CYSLTR2: variants seen among roughly 807,000 people sequenced by gnomAD.
CYSLTR2 encodes the protein cysteinyl leukotriene receptor 2, also known as G-protein coupled receptor GPCR21.
For missense variants in CYSLTR2, 398 were observed against 411.9 expected (o/e 0.97, Z 0.29); for synonymous variants, 179 against 160.8 (o/e 1.11, Z -0.86).
intron 4 of CYSLTR2, among the ~76,000 whole-genome samples, chr13:48,704,612 A>G (rs1420660145): frequency 6.6e-6 from 1 of 151,360 alleles, no homozygotes; most frequent in Non-Finnish European, 1.5e-5. Flanking sequence ...TTGTCCTAAT[A>G]CTGCATTTGC....
chr13:48,696,576 T>A lies in CYSLTR2; in HGVS notation c.-52T>A, dbSNP rs932827059. On this transcript the variant is annotated 5_prime_UTR_variant, in exon 4 of 5. Coordinates refer to ENST00000682523, the MANE Select transcript of CYSLTR2 (RefSeq NM_001308476.3). ...AATAGGAAGAGCTCCAATCTGCAGA[T>A]CCCAGTGTGAGCAACGTGGAAGACG... 1.8e-4 allele frequency: 28 copies of A among 152,162 alleles called. No individual in the cohort carries two copies. 9.4% of individuals were successfully genotyped at this position (152,162 alleles called of 1,614,324 possible).
At chr13:48,687,076 G>A (rs900574148) in intron 1 of CYSLTR2, among the ~76,000 whole-genome samples, 17 of 151,998 alleles carry the variant, frequency 1.1e-4, no homozygotes, top group African/African-American at 4.1e-4. Flanking sequence ...CTGGAGCTGG[G>A]ACATTCTTCT....
rs904533830 is a variant in CYSLTR2, at chr13:48,710,974, T to G, written c.*3116T>G. On this transcript the variant is annotated 3_prime_UTR_variant, in exon 5 of 5. Transcript: ENST00000682523. ...GGTATAAGAGACCTAGGTTGCCATA[T>G]TCTATCACAGAAAATGCATAATAAC... 2.0e-5 allele frequency: 3 copies of G among 152,176 alleles called. No individual in the cohort carries two copies. Among genetic ancestry groups the G allele is most frequent in the African/African-American group, 7.2e-5 (3 of 41,452 alleles). The allele number at this position is 152,176 out of a possible 1,614,324, so 9.4% of individuals were successfully genotyped here.
chr13:48,697,208 C>T (rs1326891563), intron 4 of CYSLTR2, among the ~76,000 whole-genome samples: 1 of 152,186 alleles, frequency 6.6e-6, no homozygotes, highest in African/African-American at 2.4e-5. Flanking sequence ...GACAGACTGC[C>T]TCCTCAAGTG....
At chr13:48,654,848 TC>T (rs1232309720) in intron 1 of CYSLTR2, among the ~76,000 whole-genome samples, 4 of 152,192 alleles carry the variant, frequency 2.6e-5, no homozygotes, top group Admixed American at 6.5e-5. Flanking sequence ...TCCAGAAACT[TC>T]TCAGGTGGTT....
intron 1 of CYSLTR2, among the ~76,000 whole-genome samples, chr13:48,673,225 A>G (rs1163760201): frequency 6.6e-6 from 1 of 151,972 alleles, no homozygotes; most frequent in Non-Finnish European, 1.5e-5. Context: ...TCCCACTATT[A>G]TTGTGTGGGA....
rs1954602938 is a variant in CYSLTR2 at position 48,710,221 on chromosome 13, C to T, written c.*2363C>T. 1 of 152,158 alleles carries T rather than the reference C, an allele frequency of 6.6e-6. No individual in the cohort carries two copies. Among genetic ancestry groups the T allele is most frequent in the African/African-American group, 2.4e-5 (1 of 41,448 alleles). The allele number at this position is 152,158 out of a possible 1,614,324, so 9.4% of individuals were successfully genotyped here. A position where few individuals can be genotyped will look rare whatever the true frequency, so the allele number is the denominator to read the frequency against. ...TCTGAAAATATTAAATGGAAAATTC[C>T]AGAAATAATTCTTAAGTTTTAAAAC... On this transcript the variant is annotated 3_prime_UTR_variant, in exon 5 of 5. Transcript: ENST00000682523.
intron 4 of CYSLTR2, among the ~76,000 whole-genome samples, chr13:48,703,440 G>A (rs192714145): frequency 1.3e-5 from 2 of 152,254 alleles, no homozygotes; most frequent in East Asian, 3.9e-4. Context: ...GAAGTATAAT[G>A]TTATCTGTAG....
chr13:48,656,844 C>T (rs777945821), intron 1 of CYSLTR2, among the ~76,000 whole-genome samples: 1 of 152,186 alleles, frequency 6.6e-6, no homozygotes, highest in Non-Finnish European at 1.5e-5. Context: ...CTGGCTAATG[C>T]GGCAGCCAAA....
intron 4 of CYSLTR2, among the ~76,000 whole-genome samples, chr13:48,703,020 CCTGT>C (rs1276676546): frequency 1.3e-5 from 2 of 152,000 alleles, no homozygotes; most frequent in East Asian, 1.9e-4. Flanking sequence ...GAGATTTACA[CCTGT>C]CTTTCATTTT....
rs1953345018 is a variant in CYSLTR2, at chr13:48,668,980, G to A, written c.-266+14963G>A. On this transcript the variant is annotated intron_variant, in intron 1 of 4. Coordinates refer to ENST00000682523, the MANE Select transcript of CYSLTR2 (RefSeq NM_001308476.3). ...CTGCGTAGTATTCCATAGTGTACAT[G>A]TGTCACATTTTCTTTATCCAGTCTA... Among the ~76,000 whole-genome samples, 2 of 152,094 alleles carry A rather than the reference G, an allele frequency of 1.3e-5. 1 individual carries two copies. Among genetic ancestry groups the A allele is most frequent in the South Asian group, 4.1e-4 (2 of 4,820 alleles).
chr13:48,683,428 G>A (rs1313473416), intron 1 of CYSLTR2, among the ~76,000 whole-genome samples: 1 of 152,070 alleles, frequency 6.6e-6, no homozygotes, highest in East Asian at 1.9e-4. Context: ...CATTCTGACT[G>A]GTGTGAAATG....
At chr13:48,683,410 A>T (rs149876430) in intron 1 of CYSLTR2, among the ~76,000 whole-genome samples, 1 of 152,170 alleles carries the variant, frequency 6.6e-6, no homozygotes, top group Non-Finnish European at 1.5e-5. Flanking sequence ...TGACTTTTTA[A>T]TAATAGCCAT....
In CYSLTR2 at chr13:48,668,923, T is replaced by C. The variant is rs1459267501; in HGVS notation, c.-266+14906T>C. Among the ~76,000 whole-genome samples, 3 of 152,204 alleles carry C rather than the reference T, an allele frequency of 2.0e-5. No individual in the cohort carries two copies. In the East Asian group the frequency reaches 5.8e-4, roughly 29 times the overall value. On this transcript the variant is annotated intron_variant, in intron 1 of 4. Coordinates refer to ENST00000682523, the MANE Select transcript of CYSLTR2 (RefSeq NM_001308476.3). Reference sequence around the variant, plus strand: ...TAGTTTCCAGCTTCATCTATCTCCCTGCAAAGGACATGAACTCATTCTTTT... The same window carrying C: ...TAGTTTCCAGCTTCATCTATCTCCCCGCAAAGGACATGAACTCATTCTTTT...
At chr13:48,657,971 G>T (rs1313054293) in intron 1 of CYSLTR2, among the ~76,000 whole-genome samples, 1 of 151,984 alleles carries the variant, frequency 6.6e-6, no homozygotes, top group East Asian at 1.9e-4. Flanking sequence ...AAGTAAGCTG[G>T]TTTCTCTTTA....
At chr13:48,667,392 G>A (rs1335309449) in intron 1 of CYSLTR2, among the ~76,000 whole-genome samples, 2 of 152,164 alleles carry the variant, frequency 1.3e-5, no homozygotes, top group Non-Finnish European at 2.9e-5. Flanking sequence ...GGGGGTGGAG[G>A]GCATGCCTGC....
At chr13:48,695,077 T>C (rs1436649873) in intron 3 of CYSLTR2, among the ~76,000 whole-genome samples, 1 of 119,112 alleles carries the variant, frequency 8.4e-6, no homozygotes, top group East Asian at 2.3e-4. Context: ...CATTTTTTTT[T>C]TTTTTTTTTT....
intron 3 of CYSLTR2, 121 bp downstream of exon 3, chr13:48,693,631 A>G (rs796631548): frequency 3.3e-5 from 5 of 152,238 alleles, no homozygotes; most frequent in African/African-American, 1.2e-4. Flanking sequence ...CAAAAAAAAA[A>G]AGGCTAATGA....
Position 48,707,865 on chromosome 13 carries a change from C to T in CYSLTR2, c.*7C>T. The stretch of plus-strand genomic sequence containing the variant: ...AAAGGAAACAAGAGTATAAGGAGCT[C>T]TTAGATGAGACCTGTTCTTGTATCC... On this transcript the variant is annotated 3_prime_UTR_variant, in exon 5 of 5. Coordinates refer to ENST00000682523, the MANE Select transcript of CYSLTR2 (RefSeq NM_001308476.3). 1 of 1,513,656 alleles carries T rather than the reference C, an allele frequency of 6.6e-7. No individual in the cohort carries two copies. The highest frequency in any genetic ancestry group is 8.8e-7 in the Non-Finnish European group (1 of 1,132,268). The allele number at this position is 1,513,656 out of a possible 1,614,324, so 93.8% of individuals were successfully genotyped here.
Sources: gnomAD v4.1 joint callset for allele counts (sites outside exome capture counted in the v4.1 genomes callset) on GRCh38, gnomAD v4.1.1 for gene constraint, MANE v1.5 for transcripts, NCBI Gene and HGNC (gene_info 2026-07-23, HGNC 2026-07-21) for gene names.